Variants in TENM1 observed in about 807,000 individuals in gnomAD.
TENM1 encodes the protein teneurin-1.
TENM1 carries 35 observed loss-of-function variants against 174.8 expected under a neutral mutation model. That is an observed-to-expected ratio of 0.20 (90% CI 0.15 to 0.27). The LOEUF is 0.27. Among genes scored for constraint, TENM1 ranks in the 10% least tolerant of loss-of-function variants. The pLI is 1.00. For synonymous variants in TENM1, 781 were observed against 798.7 expected (o/e 0.98, Z 0.37); for missense variants, 1,633 against 2,130.1 (o/e 0.77, Z 4.59).
In TENM1 at chrX:124,534,609, A is replaced by T. The variant is rs199545800; in HGVS notation, c.2652-4626T>A. Among the ~76,000 whole-genome samples the T allele has an allele frequency of 2.7e-5, 3 of 112,390 alleles. No individual in the cohort carries two copies. In the East Asian group the frequency reaches 8.4e-4, roughly 31 times the overall value. Reference sequence around the variant, plus strand: ...ATTTCCTTTTGTTGCTAACAGGAGCATAAGCAGCCTTTGAAGGGTAACATT... The same window carrying T: ...ATTTCCTTTTGTTGCTAACAGGAGCTTAAGCAGCCTTTGAAGGGTAACATT... On this transcript the variant is annotated intron_variant, in intron 15 of 31. Coordinates refer to ENST00000422452, the Ensembl canonical transcript of TENM1.
chrX:124,942,456 G>A (rs1351812146), intron 1 of TENM1, among the ~76,000 whole-genome samples: 1 of 111,400 alleles, frequency 9.0e-6, no homozygotes, highest in Admixed American at 9.5e-5. Context: ...CGCCCCGCAG[G>A]GCTCACTATG....
At chrX:124,547,030 G>A in exon 15 of TENM1, 2 of 1,211,430 alleles carry the variant, frequency 1.7e-6, no homozygotes, top group Non-Finnish European at 2.2e-6. Flanking sequence ...CTGGCAGAGA[G>A]GACTTATATA....
At chrX:124,668,755 C>T (rs1275442433) in intron 6 of TENM1, among the ~76,000 whole-genome samples, 3 of 110,827 alleles carry the variant, frequency 2.7e-5, no homozygotes, top group Admixed American at 9.6e-5. Context: ...TGTTAAATGA[C>T]GAGTTAATGG....
At chrX:124,913,284 A>G (rs1204530252) in intron 1 of TENM1, among the ~76,000 whole-genome samples, 3 of 111,593 alleles carry the variant, frequency 2.7e-5, no homozygotes, top group South Asian at 7.5e-4. Flanking sequence ...GAAATATCCT[A>G]GTTCTCCTAG....
intron 11 of TENM1, among the ~76,000 whole-genome samples, chrX:124,621,344 G>A (rs992257121): frequency 9.0e-6 from 1 of 110,851 alleles, no homozygotes. Flanking sequence ...ATGGTGGTGG[G>A]CACCTCTAGT....
At chrX:124,559,980 T>C (rs750259366) in intron 14 of TENM1, among the ~76,000 whole-genome samples, 3 of 109,972 alleles carry the variant, frequency 2.7e-5, no homozygotes, top group Non-Finnish European at 3.8e-5. Context: ...CAGAGAACAA[T>C]GGGTGGAGAA....
the TENM1 span, among the ~76,000 whole-genome samples, chrX:125,195,352 A>G: frequency 8.9e-6 from 1 of 112,018 alleles, no homozygotes; most frequent in African/African-American, 3.2e-5. Flanking sequence ...CTGCTGTTTT[A>G]CACATTTTCT....
intron 2 of TENM1, among the ~76,000 whole-genome samples, chrX:124,895,187 C>T (rs1301892738): frequency 9.0e-6 from 1 of 111,157 alleles, no homozygotes; most frequent in African/African-American, 3.3e-5. Context: ...GTACTAATTA[C>T]CACTGTTAAC....
At chrX:124,509,029 A>G (rs889624559) in intron 18 of TENM1, among the ~76,000 whole-genome samples, 33 of 111,093 alleles carry the variant, frequency 3.0e-4, no homozygotes, top group African/African-American at 1.1e-3. Flanking sequence ...CCCCCAGTGG[A>G]GGTTATATTC....
the TENM1 span, among the ~76,000 whole-genome samples, chrX:125,109,908 A>T: frequency 9.0e-6 from 1 of 111,631 alleles, no homozygotes; most frequent in Non-Finnish European, 1.9e-5. Context: ...GGTGATGGGG[A>T]TCCATTGGAG....
chrX:124,724,393 C>T (rs1481950124), intron 4 of TENM1, among the ~76,000 whole-genome samples: 5 of 111,753 alleles, frequency 4.5e-5, no homozygotes, highest in South Asian at 3.7e-4. Context: ...TGAAATAAGG[C>T]GTTGTGATAA....
chrX:125,107,605 T>A, the TENM1 span, among the ~76,000 whole-genome samples: 1 of 111,631 alleles, frequency 9.0e-6, no homozygotes, highest in African/African-American at 3.3e-5. Context: ...CAGAGTCCCA[T>A]CCCTAACACC....
At chrX:124,990,032 C>G in the TENM1 span, among the ~76,000 whole-genome samples, 1 of 111,409 alleles carries the variant, frequency 9.0e-6, no homozygotes. Flanking sequence ...GTGCGTATGT[C>G]TCAGAAAGTT....
At chrX:124,439,672 T>G (rs1031029080) in intron 23 of TENM1, among the ~76,000 whole-genome samples, 1 of 111,744 alleles carries the variant, frequency 8.9e-6, no homozygotes, top group Admixed American at 9.5e-5. Flanking sequence ...GAAGATTATA[T>G]AATTTCTCTA....
chrX:124,955,985 T>C (rs1216545951), intron 1 of TENM1, among the ~76,000 whole-genome samples: 2 of 111,894 alleles, frequency 1.8e-5, no homozygotes, highest in Admixed American at 9.5e-5. Context: ...ATCTCTGTGC[T>C]TATTTTATTC....
chrX:125,079,735 A>T, the TENM1 span, among the ~76,000 whole-genome samples: 1 of 111,504 alleles, frequency 9.0e-6, no homozygotes, highest in African/African-American at 3.2e-5. Context: ...AGAAAACATC[A>T]TAAAGAGGAA....
intron 22 of TENM1, among the ~76,000 whole-genome samples, chrX:124,471,404 T>TTATAATATATAGTAATATATTATATATTA (rs1173988093): frequency 3.7e-5 from 1 of 26,831 alleles, no homozygotes; most frequent in African/African-American, 1.4e-4. Flanking sequence ...ATAATATATA[T>TTATAATATATAGTAATATATTATATATTA]TATAATATAT....
the TENM1 span, among the ~76,000 whole-genome samples, chrX:124,971,143 G>C: frequency 1.4e-5 from 1 of 71,732 alleles, no homozygotes; most frequent in Non-Finnish European, 2.5e-5. Flanking sequence ...TTGTGGGGTG[G>C]GGGGAGGGGG....
At chrX:124,658,950 T>A (rs1228496909) in intron 6 of TENM1, among the ~76,000 whole-genome samples, 2 of 111,798 alleles carry the variant, frequency 1.8e-5, no homozygotes, top group East Asian at 2.8e-4. Flanking sequence ...AATTTTGTTG[T>A]AAAAACTTCC....
Sources: allele counts gnomAD v4.1 joint callset (sites outside exome capture counted in the v4.1 genomes callset), GRCh38; gene constraint gnomAD v4.1.1; transcripts MANE v1.5; gene names NCBI Gene and HGNC (gene_info 2026-07-23, HGNC 2026-07-21).